Variants in PNPLA8 observed in about 807,000 individuals in gnomAD.
PNPLA8 encodes the protein patatin like domain 8, phospholipase A2, also known as calcium-independent phospholipase A2-gamma.
Under a neutral mutation model 76.9 loss-of-function variants are expected in PNPLA8, and 39 were observed. The ratio of observed to expected loss-of-function variants is 0.51; its 90% CI spans 0.39 to 0.66. The LOEUF (loss-of-function observed/expected upper bound fraction) is 0.66, where lower values mean the gene tolerates loss of function less well. Ranked by LOEUF, PNPLA8 falls within the 30% of genes least tolerant of loss-of-function variation. PNPLA8 has a pLI of 0.00. For synonymous variants in PNPLA8, 301 were observed against 307.9 expected (o/e 0.98, Z 0.24); for missense variants, 887 against 918.0 (o/e 0.97, Z 0.44).
intron 10 of PNPLA8, among the ~76,000 whole-genome samples, chr7:108,477,917 C>CAT (rs1860113872): frequency 6.6e-6 from 1 of 152,168 alleles, no homozygotes; most frequent in African/African-American, 2.4e-5. Context: ...ATTCAACATA[C>CAT]ACTCACTGAA....
intron 10 of PNPLA8, among the ~76,000 whole-genome samples, chr7:108,477,685 C>G (rs540822323): frequency 3.3e-5 from 5 of 151,992 alleles, no homozygotes; most frequent in Middle Eastern, 6.8e-3. Flanking sequence ...CACAGGGAGA[C>G]CCCATCTCTA....
intron 1 of PNPLA8, among the ~76,000 whole-genome samples, chr7:108,522,122 C>G (rs1033858118): frequency 2.0e-5 from 3 of 151,350 alleles, no homozygotes; most frequent in Non-Finnish European, 4.4e-5. Context: ...GGTGAAACCC[C>G]GTCTCTACTA....
chr7:108,507,620 T>G (rs529486964), intron 4 of PNPLA8, among the ~76,000 whole-genome samples: 1 of 152,176 alleles, frequency 6.6e-6, no homozygotes, highest in African/African-American at 2.4e-5. Flanking sequence ...CATTCCAGCC[T>G]GGGTGACAGA....
intron 4 of PNPLA8, among the ~76,000 whole-genome samples, chr7:108,503,249 T>C (rs1054919840): frequency 3.3e-5 from 5 of 152,230 alleles, no homozygotes; most frequent in African/African-American, 1.2e-4. Flanking sequence ...GCTTAAATCC[T>C]AGAGTTCTAT....
intron 2 of PNPLA8, among the ~76,000 whole-genome samples, chr7:108,516,713 C>T (rs1032838746): frequency 3.9e-5 from 6 of 152,086 alleles, no homozygotes; most frequent in East Asian, 1.9e-4. Flanking sequence ...CCAGCCTGGT[C>T]GGCATGGTGA....
intron 9 of PNPLA8, among the ~76,000 whole-genome samples, chr7:108,484,091 C>A (rs1474287631): frequency 1.3e-5 from 2 of 152,098 alleles, no homozygotes; most frequent in Non-Finnish European, 2.9e-5. Flanking sequence ...AAGAGGCAAA[C>A]AAATTTTAGC....
At chr7:108,483,570 T>C (rs901107446) in intron 9 of PNPLA8, among the ~76,000 whole-genome samples, 19 of 152,356 alleles carry the variant, frequency 1.2e-4, no homozygotes, top group African/African-American at 4.1e-4. Flanking sequence ...TCTATGTCTC[T>C]GTGAATGTCA....
intron 4 of PNPLA8, among the ~76,000 whole-genome samples, chr7:108,513,432 C>G (rs1184431090): frequency 1.3e-5 from 2 of 151,898 alleles, no homozygotes; most frequent in Non-Finnish European, 2.9e-5. Context: ...TAAATGTGTT[C>G]TAAGTTAAAA....
chr7:108,479,610 C>T (rs552021724), intron 9 of PNPLA8: 83 of 565,212 alleles, frequency 1.5e-4, no homozygotes, highest in African/African-American at 1.4e-3. Context: ...TCTTAAATTG[C>T]TTTGCATATT....
chr7:108,505,337 TATATATATATATATA>T (rs1398003009), intron 4 of PNPLA8, among the ~76,000 whole-genome samples: 185 of 9,814 alleles, frequency 0.019, 9 homozygotes, highest in South Asian at 0.026. Flanking sequence ...TATATATATA[TATATATATATATATA>T]TTTTTTTTTT....
intron 2 of PNPLA8, among the ~76,000 whole-genome samples, chr7:108,516,152 G>C (rs935672968): frequency 6.6e-6 from 1 of 152,128 alleles, no homozygotes; most frequent in African/African-American, 2.4e-5. Flanking sequence ...AGTCAGGCTA[G>C]AAGAAACTAC....
chr7:108,523,135 G>C (rs987014309), intron 1 of PNPLA8, among the ~76,000 whole-genome samples: 1 of 152,172 alleles, frequency 6.6e-6, no homozygotes, highest in African/African-American at 2.4e-5. Flanking sequence ...AAACAAAACG[G>C]AGAGGCTGGG....
chr7:108,514,459 G>T lies in PNPLA8; in HGVS notation c.1033C>A (p.Arg345Ser), dbSNP rs199676922. Residue 345 changes from arginine to serine, a missense_variant, in exon 3 of 11, where the codon CGT (arginine) becomes AGT (serine). Physicochemically the swap from Arg to Ser is moderately radical, Grantham distance 110. Transcript: ENST00000257694. The stretch of plus-strand genomic sequence containing the variant: ...GCCTTTTCTCGCTGAAGAGATAAAC[G>T]CTTTTTCTCCTCTGCATTTCTGTCT... The part of the protein sequence containing the change: ...SKDRNAEEKK[R>S]LSLQREKIIA... 17 of 1,610,222 alleles carry T rather than the reference G, an allele frequency of 1.1e-5. No individual in the cohort carries two copies. In the East Asian group the frequency reaches 3.8e-4, roughly 36 times the overall value.
intron 4 of PNPLA8, among the ~76,000 whole-genome samples, chr7:108,511,549 G>A (rs1563977892): frequency 6.6e-6 from 1 of 152,120 alleles, no homozygotes; most frequent in African/African-American, 2.4e-5. Flanking sequence ...AAGGAAGAAG[G>A]CAGGTACATC....
intron 4 of PNPLA8, among the ~76,000 whole-genome samples, chr7:108,507,473 G>A (rs976520016): frequency 1.1e-4 from 16 of 151,760 alleles, no homozygotes; most frequent in African/African-American, 3.9e-4. Flanking sequence ...GAGCAACATG[G>A]TGAGACCCTC....
At chr7:108,505,340 ATATATATATATATTTTTTTTTTTTTTT>A (rs1862318784) in intron 4 of PNPLA8, among the ~76,000 whole-genome samples, 4 of 5,562 alleles carry the variant, frequency 7.2e-4, no homozygotes, top group Admixed American at 4.4e-3. Flanking sequence ...ATATATATAT[ATATATATATATATTTTTTTTTTTTTTT>A]TTTTTTTTTT....
Position 108,515,302 on chromosome 7 carries a change from C to T in PNPLA8, c.190G>A (p.Ala64Thr). The change falls in exon 3 of 11, where the codon GCA becomes ACA. Residue 64 changes from alanine (A) to threonine (T), a missense_variant. Physicochemically the swap from Ala to Thr is moderately conservative, Grantham distance 58. Transcript: ENST00000257694. ...IIRCKWTKSE[A>T]HSCSKHCYSP... The stretch of plus-strand genomic sequence containing the variant: ...TAACAGTGCTTACTGCAAGAATGTG[C>T]TTCACTTTTGGTCCATTTACATCTT... The T allele has an allele frequency of 6.2e-7, 1 of 1,610,970 alleles. No homozygotes were observed. The highest frequency in any genetic ancestry group is 8.5e-7 in the Non-Finnish European group (1 of 1,178,936).
chr7:108,490,146 G>A (rs1331267542), intron 8 of PNPLA8, among the ~76,000 whole-genome samples: 1 of 152,050 alleles, frequency 6.6e-6, no homozygotes, highest in Non-Finnish European at 1.5e-5. Context: ...TCTTATCATT[G>A]TGTCACAATT....
chr7:108,491,522 A>G (rs1316114764), intron 7 of PNPLA8, 55 bp from the exon 8 acceptor site: 1 of 1,067,602 alleles, frequency 9.4e-7, no homozygotes, highest in African/African-American at 1.6e-5. Context: ...TCTCCTAACA[A>G]CCAGGAAACA....
Sources: gnomAD v4.1 joint callset for allele counts (sites outside exome capture counted in the v4.1 genomes callset) on GRCh38, gnomAD v4.1.1 for gene constraint, MANE v1.5 for transcripts, NCBI Gene and HGNC (gene_info 2026-07-23, HGNC 2026-07-21) for gene names.